The following TMEM132D variants were observed in gnomAD, a reference collection of about 807,000 sequenced individuals.
The protein encoded by TMEM132D is transmembrane protein 132D, also known as mature OL transmembrane protein.
In TMEM132D, 21 loss-of-function variants were observed where a neutral mutation model predicts 62.3. The observed-to-expected ratio is 0.34, with a 90% CI of 0.24 to 0.49. The LOEUF is 0.49. Among genes scored for constraint, TMEM132D ranks in the 20% least tolerant of loss-of-function variants. TMEM132D has a pLI of 0.99. For missense variants in TMEM132D, 1,346 were observed against 1,402.8 expected, an observed-to-expected ratio of 0.96 and a Z score of 0.65; for synonymous variants, 621 against 575.6, an observed-to-expected ratio of 1.08 and a Z score of -1.13.
intron 1 of TMEM132D, among the ~76,000 whole-genome samples, chr12:129,816,426 G>T (rs191780410): frequency 6.6e-6 from 1 of 152,164 alleles, no homozygotes; most frequent in East Asian, 1.9e-4. Flanking sequence ...GATCACCATC[G>T]CCCCGCTTCT....
intron 3 of TMEM132D, among the ~76,000 whole-genome samples, chr12:129,359,474 C>A (rs1870178721): frequency 6.6e-6 from 1 of 152,038 alleles, no homozygotes; most frequent in Admixed American, 6.5e-5. Flanking sequence ...CAAACTCTGG[C>A]CAGTCAAATC....
At chr12:129,757,945 C>T (rs555065120) in intron 1 of TMEM132D, among the ~76,000 whole-genome samples, 14 of 152,214 alleles carry the variant, frequency 9.2e-5, no homozygotes, top group African/African-American at 3.4e-4. Context: ...CTCTGTTGCC[C>T]AGGCTGGAGT....
chr12:129,324,118 G>T (rs1042210767), intron 4 of TMEM132D, among the ~76,000 whole-genome samples: 2 of 151,992 alleles, frequency 1.3e-5, no homozygotes, highest in Admixed American at 1.3e-4. Context: ...TTTACTGACT[G>T]CATTTACAGG....
At chr12:129,462,599 TCTGA>T (rs1238755139) in intron 3 of TMEM132D, among the ~76,000 whole-genome samples, 1 of 152,188 alleles carries the variant, frequency 6.6e-6, no homozygotes, top group Non-Finnish European at 1.5e-5. Flanking sequence ...CTGACAGCCC[TCTGA>T]CTATTGTGGG....
At chr12:129,407,678 A>G (rs3861082) in intron 3 of TMEM132D, among the ~76,000 whole-genome samples, 114,087 of 151,606 alleles carry the variant, frequency 0.75, 43,341 homozygotes, top group Non-Finnish European at 0.81. Context: ...AGACCGAGGC[A>G]GGCGGATCAT....
Position 129,072,907 on chromosome 12 carries a change from A to C in TMEM132D, c.*968T>G, listed in dbSNP as rs1216403395. ...CCTCTTCAAAGACGGACGGCGTGGG[A>C]CATATGCCCAGGTTGCGGGGGGAGC... On this transcript the variant is annotated 3_prime_UTR_variant, in exon 9 of 9. Transcript: ENST00000422113. 2 of 152,174 alleles carry C rather than the reference A, an allele frequency of 1.3e-5. No homozygotes were observed. The highest frequency in any genetic ancestry group is 3.9e-4 in the East Asian group (2 of 5,184). The allele number at this position is 152,174 out of a possible 1,614,324, so 9.4% of individuals were successfully genotyped here.
intron 4 of TMEM132D, among the ~76,000 whole-genome samples, chr12:129,302,665 G>C (rs1484467556): frequency 6.6e-6 from 1 of 152,196 alleles, no homozygotes; most frequent in Non-Finnish European, 1.5e-5. Context: ...CAGGCCACTG[G>C]AGCGTATTTT....
intron 3 of TMEM132D, among the ~76,000 whole-genome samples, chr12:129,382,807 C>A (rs913238418): frequency 1.1e-4 from 17 of 152,200 alleles, no homozygotes; most frequent in Middle Eastern, 3.4e-3. Context: ...GAGCCATATA[C>A]CCAAAGACAG....
intron 4 of TMEM132D, among the ~76,000 whole-genome samples, chr12:129,327,927 C>G (rs969698953): frequency 1.3e-5 from 2 of 152,220 alleles, no homozygotes; most frequent in African/African-American, 4.8e-5. Flanking sequence ...CCCACCTACC[C>G]TGAACTCATC....
intron 2 of TMEM132D, among the ~76,000 whole-genome samples, chr12:129,659,208 A>G (rs1028865001): frequency 1.3e-5 from 2 of 152,168 alleles, no homozygotes; most frequent in East Asian, 3.8e-4. Context: ...GTCAAGATGA[A>G]CCACCCAGCT....
At chr12:129,204,748 A>T (rs1490142395) in intron 5 of TMEM132D, among the ~76,000 whole-genome samples, 1 of 152,216 alleles carries the variant, frequency 6.6e-6, no homozygotes, top group Non-Finnish European at 1.5e-5. Flanking sequence ...GGTCAAAATG[A>T]AAGGAAAAAT....
chr12:129,141,134 G>T (rs1202426032), intron 5 of TMEM132D, among the ~76,000 whole-genome samples: 1 of 152,126 alleles, frequency 6.6e-6, no homozygotes, highest in Non-Finnish European at 1.5e-5. Flanking sequence ...TGCTTTCTGC[G>T]AACTCAACAT....
chr12:129,574,607 T>G (rs155688), intron 2 of TMEM132D, among the ~76,000 whole-genome samples: 21,088 of 151,744 alleles, frequency 0.14, 1,723 homozygotes, highest in Admixed American at 0.19. Context: ...TGAGATGTTA[T>G]GAATGCCCTT....
intron 5 of TMEM132D, chr12:129,110,960 A>T (rs1875679686): frequency 6.6e-6 from 1 of 152,230 alleles, no homozygotes; most frequent in African/African-American, 2.4e-5. Flanking sequence ...AAACCAACCC[A>T]GCTGATGGGG....
rs76269380 is a variant in TMEM132D, at chr12:129,612,407, T to C, written c.969-81202A>G. Among the ~76,000 whole-genome samples the C allele has an allele frequency of 4.5e-3, 688 of 152,252 alleles. 2 individuals carry two copies. Among genetic ancestry groups the C allele is most frequent in the African/African-American group, 0.016 (657 of 41,554 alleles). The stretch of plus-strand genomic sequence containing the variant: ...CAGCCTGCTTCTTGCTCCTGGACGC[T>C]TGGGGGACCAAGAATTGTTTCACAT... On this transcript the variant is annotated intron_variant, in intron 2 of 8. Coordinates refer to ENST00000422113, the MANE Select transcript of TMEM132D (RefSeq NM_133448.3).
chr12:129,666,926 A>G (rs999600071), intron 2 of TMEM132D, among the ~76,000 whole-genome samples: 4 of 152,218 alleles, frequency 2.6e-5, no homozygotes, highest in Admixed American at 2.6e-4. Context: ...AGGGTTTTAA[A>G]GATTTTCTTA....
At chr12:129,405,253 G>A (rs1262496630) in intron 3 of TMEM132D, among the ~76,000 whole-genome samples, 1 of 152,100 alleles carries the variant, frequency 6.6e-6, no homozygotes, top group East Asian at 1.9e-4. Context: ...GCCTTCTCGT[G>A]TGCTTTCACA....
chr12:129,249,402 C>T (rs1334834468), intron 4 of TMEM132D, among the ~76,000 whole-genome samples: 3 of 152,170 alleles, frequency 2.0e-5, no homozygotes, highest in Non-Finnish European at 4.4e-5. Flanking sequence ...TTATCATGCC[C>T]ATTTGTTAGT....
At chr12:129,523,460 A>ACTCTT (rs1256688994) in intron 3 of TMEM132D, among the ~76,000 whole-genome samples, 24 of 152,068 alleles carry the variant, frequency 1.6e-4, no homozygotes, top group Non-Finnish European at 3.1e-4. Flanking sequence ...CACACGCATG[A>ACTCTT]CTCTTGTAGC....
Sources: allele counts gnomAD v4.1 joint callset (sites outside exome capture counted in the v4.1 genomes callset), GRCh38; gene constraint gnomAD v4.1.1; transcripts MANE v1.5; gene names NCBI Gene and HGNC (gene_info 2026-07-23, HGNC 2026-07-21).